Variants in PAPPA2 observed in about 807,000 individuals in gnomAD.
The protein encoded by PAPPA2 is pappalysin 2, also known as pappalysin-2.
PAPPA2 carries 86 observed loss-of-function variants against 176.4 expected under a neutral mutation model. The ratio of observed to expected loss-of-function variants is 0.49; its 90% CI spans 0.41 to 0.58. The LOEUF is 0.58. PAPPA2 is among the 20% of genes least tolerant of loss of function. The pLI is 0.00. For missense variants in PAPPA2, 2,073 were observed against 2,256.9 expected (o/e 0.92, Z 1.65); for synonymous variants, 809 against 852.2 (o/e 0.95, Z 0.88).
At chr1:176,620,051 G>C (rs563400994) in intron 3 of PAPPA2, among the ~76,000 whole-genome samples, 2 of 152,150 alleles carry the variant, frequency 1.3e-5, no homozygotes, top group Non-Finnish European at 2.9e-5. Flanking sequence ...CTAGAGGCTG[G>C]GAAGTCCAAG....
At chr1:176,686,478 T>G (rs1378090041) in intron 4 of PAPPA2, among the ~76,000 whole-genome samples, 1 of 152,130 alleles carries the variant, frequency 6.6e-6, no homozygotes, top group Non-Finnish European at 1.5e-5. Context: ...TTATGGGGTT[T>G]ACAATTCAAA....
chr1:176,720,137 A>G (rs1296662923), intron 12 of PAPPA2, among the ~76,000 whole-genome samples: 1 of 152,184 alleles, frequency 6.6e-6, no homozygotes, highest in Admixed American at 6.5e-5. Flanking sequence ...ATTCATCCAT[A>G]TGGGAACTGT....
At chr1:176,481,252 G>GCACACACACACACACA (rs56206580) in intron 1 of PAPPA2, among the ~76,000 whole-genome samples, 7 of 140,314 alleles carry the variant, frequency 5.0e-5, no homozygotes, top group South Asian at 4.8e-4. Context: ...AGATTTTAAA[G>GCACACACACACACACA]CACACACACA....
chr1:176,522,552 G>T (rs1413279874), intron 1 of PAPPA2, among the ~76,000 whole-genome samples: 1 of 152,200 alleles, frequency 6.6e-6, no homozygotes, highest in African/African-American at 2.4e-5. Flanking sequence ...GATGTCAGTT[G>T]TTATAGTAAT....
rs74789700 is a variant in PAPPA2 at position 176,500,677 on chromosome 1, A to G, written c.-917+37259A>G. ...ACATGAATTCAGAAAATTTCTAGCT[A>G]AGATTAGAGGTACATTCTGCAGTCG... is the stretch of plus-strand genomic sequence containing the variant. On this transcript the variant is annotated intron_variant, in intron 1 of 22. Transcript: ENST00000367662. 2.4e-3 allele frequency among the ~76,000 whole-genome samples: 359 copies of G among 152,062 alleles called. 4 individuals carry two copies. The highest frequency in any genetic ancestry group is 8.4e-3 in the African/African-American group (347 of 41,540).
intron 11 of PAPPA2, among the ~76,000 whole-genome samples, chr1:176,710,913 C>T (rs368591945): frequency 2.0e-5 from 3 of 152,138 alleles, no homozygotes; most frequent in Non-Finnish European, 4.4e-5. Flanking sequence ...CTTTCATCCT[C>T]GGGTGCAGCC....
At chr1:176,811,813 T>C (rs1666162774) in intron 21 of PAPPA2, among the ~76,000 whole-genome samples, 1 of 152,162 alleles carries the variant, frequency 6.6e-6, no homozygotes. Context: ...CTTCAGATTC[T>C]CCAGCTGGAA....
At chr1:176,486,873 G>A (rs925614182) in intron 1 of PAPPA2, among the ~76,000 whole-genome samples, 3 of 152,034 alleles carry the variant, frequency 2.0e-5, no homozygotes, top group African/African-American at 7.2e-5. Flanking sequence ...TTTGTAATTA[G>A]ATAGCTCGAT....
intron 1 of PAPPA2, among the ~76,000 whole-genome samples, chr1:176,466,970 C>G (rs1259285300): frequency 6.6e-6 from 1 of 152,198 alleles, no homozygotes; most frequent in African/African-American, 2.4e-5. Flanking sequence ...TCCAACCCTT[C>G]TGCGAAACAG....
intron 3 of PAPPA2, among the ~76,000 whole-genome samples, chr1:176,643,509 A>G (rs139824143): frequency 1.3e-5 from 2 of 151,656 alleles, no homozygotes; most frequent in East Asian, 2.0e-4. Context: ...TTTGGCTTAT[A>G]CCATCATAGT....
rs1271285975 is a variant in PAPPA2 at position 176,504,630 on chromosome 1, CAGA to C, written c.-917+41216_-917+41218del. On this transcript the variant is annotated intron_variant, in intron 1 of 22. Transcript: ENST00000367662. The stretch of plus-strand genomic sequence containing the variant: ...TTTTTCTGTAGGAGCTAATCCAAGA[CAGA>C]AGATCAGTTGCTGTTAATATTCACA... 9.2e-5 allele frequency among the ~76,000 whole-genome samples: 14 copies of C among 152,106 alleles called. 2 individuals carry two copies. Among genetic ancestry groups the C allele is most frequent in the Admixed American group, 9.2e-4 (14 of 15,256 alleles).
chr1:176,765,895 A>C, intron 15 of PAPPA2, 58 bp downstream of exon 15: 1 of 1,577,840 alleles, frequency 6.3e-7, no homozygotes, highest in Non-Finnish European at 8.6e-7. Flanking sequence ...AGGTATTCAC[A>C]CTCTTCTCTC....
intron 3 of PAPPA2, among the ~76,000 whole-genome samples, chr1:176,612,405 A>G (rs1204479367): frequency 6.6e-6 from 1 of 152,048 alleles, no homozygotes; most frequent in Non-Finnish European, 1.5e-5. Context: ...AAAAAAAACC[A>G]AAAACCAAAA....
At chr1:176,743,873 A>C (rs1473817488) in intron 14 of PAPPA2, among the ~76,000 whole-genome samples, 1 of 152,218 alleles carries the variant, frequency 6.6e-6, no homozygotes, top group Non-Finnish European at 1.5e-5. Context: ...ACCTGATAAT[A>C]TATCCATAAG....
At chr1:176,560,580 G>T (rs1455982559) in intron 2 of PAPPA2, among the ~76,000 whole-genome samples, 11 of 152,114 alleles carry the variant, frequency 7.2e-5, no homozygotes, top group Admixed American at 7.2e-4. Flanking sequence ...GGCAGCTCAG[G>T]GCCATGTGGC....
At chr1:176,841,638 T>C (rs753460543) in intron 22 of PAPPA2, among the ~76,000 whole-genome samples, 24 of 152,246 alleles carry the variant, frequency 1.6e-4, no homozygotes, top group Admixed American at 8.5e-4. Flanking sequence ...TTTATCTGTT[T>C]GTAGCAGTGC....
At chr1:176,481,682 G>T (rs1450955851) in intron 1 of PAPPA2, among the ~76,000 whole-genome samples, 4 of 152,122 alleles carry the variant, frequency 2.6e-5, no homozygotes, top group African/African-American at 9.7e-5. Flanking sequence ...TCTTGGACAA[G>T]AATAGATGCT....
intron 3 of PAPPA2, among the ~76,000 whole-genome samples, chr1:176,663,314 C>T (rs1303423653): frequency 2.0e-5 from 3 of 152,126 alleles, no homozygotes; most frequent in Non-Finnish European, 4.4e-5. Context: ...GCATTGCCTC[C>T]ATTCTGTTGC....
chr1:176,753,554 CTTTTTTTTTTTTT>C (rs77817405), intron 14 of PAPPA2, among the ~76,000 whole-genome samples: 1 of 73,498 alleles, frequency 1.4e-5, no homozygotes, highest in Non-Finnish European at 2.5e-5. Flanking sequence ...AAGGCTCCTC[CTTTTTTTTTTTTT>C]TTTTTTTTTT....
Sources: gnomAD v4.1 joint callset for allele counts (sites outside exome capture counted in the v4.1 genomes callset) on GRCh38, gnomAD v4.1.1 for gene constraint, MANE v1.5 for transcripts, NCBI Gene and HGNC (gene_info 2026-07-23, HGNC 2026-07-21) for gene names.